Variants in ADGRV1 observed in about 807,000 individuals in gnomAD.
ADGRV1 encodes adhesion G protein-coupled receptor V1.
In ADGRV1, 359 loss-of-function variants were observed where a neutral mutation model predicts 596.2. The ratio of observed to expected loss-of-function variants is 0.60; its 90% CI spans 0.55 to 0.66. ADGRV1 has a LOEUF of 0.66. Ranked by LOEUF, ADGRV1 falls within the 30% of genes least tolerant of loss-of-function variation. ADGRV1 has a pLI of 0.00. For missense variants in ADGRV1, 7,274 were observed against 7,575.6 expected, an observed-to-expected ratio of 0.96 and a Z score of 1.48; for synonymous variants, 2,681 against 2,679.2, an observed-to-expected ratio of 1.00 and a Z score of -0.02.
chr5:90,936,547 C>G (rs1335958523), intron 83 of ADGRV1, among the ~76,000 whole-genome samples: 1 of 151,752 alleles, frequency 6.6e-6, no homozygotes, highest in Non-Finnish European at 1.5e-5. Flanking sequence ...TACTTTTATT[C>G]TAATTAATAT....
chr5:91,146,923 AGGCCAAGGT>A (rs1369734435), intron 87 of ADGRV1, among the ~76,000 whole-genome samples: 3 of 152,314 alleles, frequency 2.0e-5, no homozygotes, highest in African/African-American at 7.2e-5. Flanking sequence ...GCCCTATGGG[AGGCCAAGGT>A]GGGCATATCT....
chr5:90,608,755 G>A (rs73179786), intron 1 of ADGRV1, among the ~76,000 whole-genome samples: 3,271 of 152,048 alleles, frequency 0.022, 101 homozygotes, highest in African/African-American at 0.073. Context: ...AACAGAGGAT[G>A]AAACACAGGA....
At chr5:90,582,674 C>A (rs536784750) in intron 1 of ADGRV1, among the ~76,000 whole-genome samples, 1 of 152,186 alleles carries the variant, frequency 6.6e-6, no homozygotes, top group African/African-American at 2.4e-5. Context: ...AAGAGATTAT[C>A]CTGCCTCATT....
At position 90,619,186 on chromosome 5, in the gene ADGRV1, G is replaced by A; in HGVS notation, c.453+5G>A. 8.0e-7 allele frequency: 1 copy of A among 1,253,550 alleles called. No homozygotes were observed. Among genetic ancestry groups the A allele is most frequent in the Non-Finnish European group, 1.1e-6 (1 of 919,342 alleles). 77.7% of individuals were successfully genotyped at this position (1,253,550 alleles called of 1,614,324 possible). ...GGAATTATTTCATTTAATATGGTAT[G>A]GACACAATTTGATGATAATTGTGGT... On this transcript the variant is annotated splice_donor_5th_base_variant and intron_variant, in intron 4 of 89. Coordinates refer to ENST00000405460, the MANE Select transcript of ADGRV1 (RefSeq NM_032119.4).
intron 76 of ADGRV1, among the ~76,000 whole-genome samples, chr5:90,827,258 C>T (rs1009731389): frequency 1.3e-5 from 2 of 152,080 alleles, no homozygotes; most frequent in African/African-American, 4.8e-5. Context: ...TATGAGGTCT[C>T]TGTCATTTTT....
chr5:91,056,067 G>A (rs746002128), intron 85 of ADGRV1, among the ~76,000 whole-genome samples: 6 of 152,156 alleles, frequency 3.9e-5, no homozygotes, highest in Non-Finnish European at 7.3e-5. Context: ...GTCGGTTGGC[G>A]AGAGGTTAGG....
At chr5:90,828,763 AAAAT>A (rs1289597517) in intron 76 of ADGRV1, among the ~76,000 whole-genome samples, 177 bp from the exon 77 acceptor site, 1 of 152,166 alleles carries the variant, frequency 6.6e-6, no homozygotes, top group Non-Finnish European at 1.5e-5. Context: ...AGAAAGACCA[AAAAT>A]AAATGTCATG....
At chr5:90,782,360 C>T (rs1477831718) in intron 65 of ADGRV1, among the ~76,000 whole-genome samples, 2 of 151,940 alleles carry the variant, frequency 1.3e-5, no homozygotes, top group East Asian at 1.9e-4. Context: ...AATCATATTA[C>T]ATTTTTGCAT....
intron 45 of ADGRV1, among the ~76,000 whole-genome samples, chr5:90,722,282 G>A (rs1561597003): frequency 2.0e-5 from 3 of 152,152 alleles, no homozygotes; most frequent in South Asian, 2.1e-4. Flanking sequence ...ATGGGAGAAG[G>A]GGTTCATGCT....
At chr5:90,719,447 T>C (rs1344481995) in intron 43 of ADGRV1, among the ~76,000 whole-genome samples, 1 of 152,212 alleles carries the variant, frequency 6.6e-6, no homozygotes, top group Non-Finnish European at 1.5e-5. Context: ...ATTTCTATCA[T>C]TGAAGACTCA....
chr5:90,668,807 A>T (rs1771997577), intron 21 of ADGRV1, among the ~76,000 whole-genome samples: 1 of 152,198 alleles, frequency 6.6e-6, no homozygotes, highest in Non-Finnish European at 1.5e-5. Context: ...AACTGAAAAT[A>T]TTCAGGAAGC....
intron 21 of ADGRV1, among the ~76,000 whole-genome samples, chr5:90,670,343 G>T (rs1772272164): frequency 6.6e-6 from 1 of 152,180 alleles, no homozygotes; most frequent in South Asian, 2.1e-4. Flanking sequence ...GCTGTAAACT[G>T]TCCACTTAGC....
chr5:90,661,944 G>C (rs567706396), intron 21 of ADGRV1, among the ~76,000 whole-genome samples: 1 of 152,234 alleles, frequency 6.6e-6, no homozygotes, highest in African/African-American at 2.4e-5. Flanking sequence ...GGATGACCTT[G>C]TCAGAAATAT....
intron 14 of ADGRV1, among the ~76,000 whole-genome samples, 182 bp downstream of exon 14, chr5:90,644,165 T>C (rs1381476391): frequency 6.6e-6 from 1 of 152,196 alleles, no homozygotes; most frequent in Non-Finnish European, 1.5e-5. Flanking sequence ...TTACATAGTA[T>C]CGTGATGATA....
chr5:90,711,163 T>A, intron 40 of ADGRV1, 21 bp from the exon 41 acceptor site: 1 of 1,590,396 alleles, frequency 6.3e-7, no homozygotes, highest in Non-Finnish European at 8.5e-7. Context: ...TGTTTGTTTT[T>A]GTTTTTTTGC....
Position 90,745,703 on chromosome 5 carries a change from C to T in ADGRV1, c.10882C>T (p.Pro3628Ser), listed in dbSNP as rs564470089. The change falls in exon 52 of 90, where the codon CCC becomes TCC. Residue 3628 changes from proline (P) to serine (S), a missense_variant. By Grantham distance (74) the Pro-to-Ser change is moderately conservative (BLOSUM62 -1). Transcript: ENST00000405460. ...EESFKVQLKNPKGGAEIGIND... is the reference protein window; with the variant it reads ...EESFKVQLKNSKGGAEIGIND... The stretch of plus-strand genomic sequence containing the variant: ...ATCCTTCAAAGTTCAACTTAAAAAT[C>T]CCAAAGGAGGAGCAGAGATTGGCAT... 3 of 1,611,764 alleles carry T rather than the reference C, an allele frequency of 1.9e-6. No homozygotes were observed. Among genetic ancestry groups the T allele is most frequent in the East Asian group, 2.2e-5 (1 of 44,822 alleles).
intron 87 of ADGRV1, among the ~76,000 whole-genome samples, chr5:91,104,669 A>C (rs1002583443): frequency 6.6e-6 from 1 of 151,950 alleles, no homozygotes; most frequent in Admixed American, 6.6e-5. Context: ...TCCACACATG[A>C]GTGAGAGCAT....
intron 70 of ADGRV1, among the ~76,000 whole-genome samples, chr5:90,797,106 A>G (rs563974867): frequency 6.6e-6 from 1 of 152,138 alleles, no homozygotes; most frequent in African/African-American, 2.4e-5. Context: ...GACATGATCA[A>G]ATTCACACAT....
chr5:90,926,130 A>G (rs1360265850), intron 83 of ADGRV1, among the ~76,000 whole-genome samples: 4 of 147,156 alleles, frequency 2.7e-5, no homozygotes, highest in Non-Finnish European at 6.0e-5. Flanking sequence ...TTGGTATCAG[A>G]ATGATGCTGG....
Sources: allele counts gnomAD v4.1 joint callset (sites outside exome capture counted in the v4.1 genomes callset), GRCh38; gene constraint gnomAD v4.1.1; transcripts MANE v1.5; gene names NCBI Gene and HGNC (gene_info 2026-07-23, HGNC 2026-07-21).